AMMECR1: variants seen among roughly 807,000 people sequenced by gnomAD.
AMMECR1 encodes nuclear protein AMMECR1.
AMMECR1 carries 3 observed loss-of-function variants against 22.5 expected under a neutral mutation model. The ratio of observed to expected loss-of-function variants is 0.13; its 90% CI spans 0.06 to 0.35. The LOEUF is 0.35. Among genes scored for constraint, AMMECR1 ranks in the 10% least tolerant of loss-of-function variants. AMMECR1 has a pLI of 1.00. For missense variants in AMMECR1, 235 were observed against 278.7 expected (o/e 0.84, Z 1.12); for synonymous variants, 130 against 116.7 (o/e 1.11, Z -0.74).
chrX:110,396,624 T>C (rs1437575057), intron 2 of AMMECR1, among the ~76,000 whole-genome samples: 2 of 111,992 alleles, frequency 1.8e-5, no homozygotes, highest in African/African-American at 6.5e-5. Flanking sequence ...TGTGCCCTTT[T>C]AGGTAAGCAG....
upstream of AMMECR1, among the ~76,000 whole-genome samples, chrX:110,321,891 T>G (rs1369969833): frequency 8.9e-6 from 1 of 112,477 alleles, no homozygotes; most frequent in Non-Finnish European, 1.9e-5. Flanking sequence ...TAACACATGG[T>G]TGTTGTGGTG....
chrX:110,307,526 A>G (rs1182323006), intron 1 of AMMECR1, among the ~76,000 whole-genome samples: 1 of 112,051 alleles, frequency 8.9e-6, no homozygotes, highest in Non-Finnish European at 1.9e-5. Context: ...AGCAAACTAC[A>G]TGAAACAAAC....
chrX:110,294,146 T>G (rs935884293), intron 1 of AMMECR1, among the ~76,000 whole-genome samples: 1 of 111,792 alleles, frequency 8.9e-6, no homozygotes, highest in Non-Finnish European at 1.9e-5. Flanking sequence ...AGTGGATTTG[T>G]TTTGAGGGTA....
chrX:110,345,089 C>A (rs1166346306), intron 2 of AMMECR1, among the ~76,000 whole-genome samples: 1 of 111,966 alleles, frequency 8.9e-6, no homozygotes, highest in African/African-American at 3.3e-5. Context: ...AGACTTGGAA[C>A]CAACACAAAT....
At chrX:110,298,443 G>A (rs186204274) in intron 1 of AMMECR1, among the ~76,000 whole-genome samples, 92 of 111,268 alleles carry the variant, frequency 8.3e-4, no homozygotes, top group Non-Finnish European at 1.6e-3. Flanking sequence ...TTCCCATTTA[G>A]AGAGGTCTGG....
chrX:110,319,684 A>G (rs2068071666), upstream of AMMECR1, among the ~76,000 whole-genome samples: 1 of 112,176 alleles, frequency 8.9e-6, no homozygotes, highest in East Asian at 2.8e-4. Context: ...CTTCACAACA[A>G]TGCTCTGAGG....
intron 2 of AMMECR1, among the ~76,000 whole-genome samples, chrX:110,378,923 C>T (rs1416184152): frequency 9.1e-6 from 1 of 110,274 alleles, no homozygotes; most frequent in African/African-American, 3.3e-5. Flanking sequence ...GACACCCGTC[C>T]ACCCCCCACC....
rs1391381104 is a variant in AMMECR1 at position 110,385,288 on chromosome X, C to A, written c.-148+41370G>T. On this transcript the variant is annotated intron_variant, in intron 2 of 7. Coordinates refer to the AMMECR1 transcript ENST00000372057. ...ACAGAACACTTAAAAGAATGTCTGG[C>A]ACATAGTAGGTGCTATATAAATATT... Among the ~76,000 whole-genome samples, 3 of 111,666 alleles carry A rather than the reference C, an allele frequency of 2.7e-5. No homozygotes were observed. The Admixed American group carries it at 2.8e-4, about 11-fold the overall frequency.
At chrX:110,352,931 G>T (rs2068216532) in intron 2 of AMMECR1, among the ~76,000 whole-genome samples, 1 of 112,257 alleles carries the variant, frequency 8.9e-6, no homozygotes, top group Admixed American at 9.4e-5. Context: ...CTGCCACCAT[G>T]AAGCTTACAT....
At chrX:110,261,019 GGTT>G in intron 2 of AMMECR1, among the ~76,000 whole-genome samples, 1 of 111,315 alleles carries the variant, frequency 9.0e-6, no homozygotes, top group East Asian at 2.8e-4. Context: ...GTAGAATGGT[GGTT>G]GCCAGGGCCT....
intron 2 of AMMECR1, among the ~76,000 whole-genome samples, chrX:110,393,992 T>C (rs1239382342): frequency 8.9e-6 from 1 of 112,683 alleles, no homozygotes; most frequent in Non-Finnish European, 1.9e-5. Flanking sequence ...CAATGAGCGC[T>C]TTTGTGATTC....
intron 2 of AMMECR1, among the ~76,000 whole-genome samples, chrX:110,222,880 T>G (rs989087647): frequency 1.8e-5 from 2 of 111,325 alleles, no homozygotes; most frequent in African/African-American, 3.3e-5. Context: ...TTCTATCCTA[T>G]GAGATTCACT....
intron 1 of AMMECR1, among the ~76,000 whole-genome samples, chrX:110,428,302 A>T (rs2068769146): frequency 8.9e-6 from 1 of 111,770 alleles, no homozygotes; most frequent in South Asian, 3.8e-4. Context: ...CTTAGCACAC[A>T]GGGCTATCAG....
upstream of AMMECR1, among the ~76,000 whole-genome samples, chrX:110,318,523 G>T (rs2068065831): frequency 9.0e-6 from 1 of 110,666 alleles, no homozygotes; most frequent in African/African-American, 3.3e-5. Flanking sequence ...AAAGTCCGAA[G>T]TAAGCATCCA....
intron 1 of AMMECR1, among the ~76,000 whole-genome samples, chrX:110,267,354 CCTG>C (rs1421330392): frequency 9.1e-6 from 1 of 109,610 alleles, no homozygotes; most frequent in Non-Finnish European, 1.9e-5. Context: ...GCTGTTGTTT[CCTG>C]ACTTTTTAAT....
chrX:110,397,782 T>C (rs1332632138), intron 2 of AMMECR1, among the ~76,000 whole-genome samples: 2 of 111,818 alleles, frequency 1.8e-5, no homozygotes, highest in African/African-American at 6.5e-5. Flanking sequence ...AGAGCAGAGA[T>C]GTGAAAAGGA....
At chrX:110,218,540 C>G (rs2067485545) in intron 2 of AMMECR1, among the ~76,000 whole-genome samples, 1 of 99,336 alleles carries the variant, frequency 1.0e-5, no homozygotes, top group Non-Finnish European at 2.0e-5. Context: ...CCCATTCCCC[C>G]CCGCCCCTAG....
intron 2 of AMMECR1, among the ~76,000 whole-genome samples, chrX:110,383,438 G>A (rs1165875923): frequency 2.7e-5 from 3 of 111,208 alleles, no homozygotes; most frequent in Non-Finnish European, 5.7e-5. Context: ...TCATATTAGA[G>A]CTCATTTTTA....
intron 2 of AMMECR1, among the ~76,000 whole-genome samples, chrX:110,378,445 A>G (rs1248349034): frequency 9.0e-6 from 1 of 111,204 alleles, no homozygotes; most frequent in Non-Finnish European, 1.9e-5. Context: ...TCTCTAAACC[A>G]CAGCTTTTGG....
Sources: gnomAD v4.1 joint callset for allele counts (sites outside exome capture counted in the v4.1 genomes callset) on GRCh38, gnomAD v4.1.1 for gene constraint, MANE v1.5 for transcripts, NCBI Gene and HGNC (gene_info 2026-07-23, HGNC 2026-07-21) for gene names.